The following PIGK variants were observed in gnomAD, a reference collection of about 807,000 sequenced individuals.
PIGK encodes the protein GPI-anchor transamidase.
PIGK carries 42 observed loss-of-function variants against 50.6 expected under a neutral mutation model. The ratio of observed to expected loss-of-function variants is 0.83; its 90% CI spans 0.65 to 1.07. PIGK has a LOEUF of 1.07. Among genes scored for constraint, PIGK ranks in the 50% least tolerant of loss-of-function variants. The pLI, the probability that PIGK is intolerant of heterozygous loss-of-function variation, is 0.00. For missense variants in PIGK, 448 were observed against 488.7 expected, an observed-to-expected ratio of 0.92 and a Z score of 0.78; for synonymous variants, 151 against 156.0, an observed-to-expected ratio of 0.97 and a Z score of 0.24.
At chr1:77,153,882 A>G (rs924726124) in intron 9 of PIGK, 3 of 152,344 alleles carry the variant, frequency 2.0e-5, no homozygotes, top group Non-Finnish European at 2.9e-5. Context: ...ATATTTCAAG[A>G]AAGTAGCTAT....
At chr1:77,210,756 C>A (rs1273339925) in intron 1 of PIGK, among the ~76,000 whole-genome samples, 1 of 151,996 alleles carries the variant, frequency 6.6e-6, no homozygotes, top group Non-Finnish European at 1.5e-5. Context: ...AACAGAGTAA[C>A]CTTGATTAAG....
chr1:77,188,156 C>G (rs1655794834), intron 3 of PIGK, among the ~76,000 whole-genome samples: 2 of 152,160 alleles, frequency 1.3e-5, no homozygotes, highest in Admixed American at 6.5e-5. Context: ...AGCAATTGTT[C>G]AGGGAATAAG....
At chr1:77,204,653 C>T (rs551302162) in intron 3 of PIGK, among the ~76,000 whole-genome samples, 38 of 152,198 alleles carry the variant, frequency 2.5e-4, no homozygotes, top group African/African-American at 8.9e-4. Flanking sequence ...CCCTTTTGTA[C>T]TCTTTCCCTT....
intron 2 of PIGK, among the ~76,000 whole-genome samples, chr1:77,207,734 C>T (rs776583450): frequency 1.3e-5 from 2 of 152,172 alleles, no homozygotes; most frequent in South Asian, 2.1e-4. Flanking sequence ...AGTACAATCC[C>T]GGCTTCTATC....
chr1:77,184,052 A>G (rs1379711106), intron 3 of PIGK, among the ~76,000 whole-genome samples: 1 of 152,186 alleles, frequency 6.6e-6, no homozygotes, highest in Non-Finnish European at 1.5e-5. Flanking sequence ...ATTTAAATAC[A>G]GTGGAAATAA....
In PIGK at chr1:77,191,037, T is replaced by G. The variant is rs375023840; in HGVS notation, c.239+15603A>C. Among the ~76,000 whole-genome samples the G allele has an allele frequency of 2.2e-4, 34 of 152,370 alleles. No individual in the cohort carries two copies. In the South Asian group the frequency reaches 5.2e-3, roughly 23 times the overall value. ...GACAAGTTCTCCATCTCTTTCTTCC[T>G]GTTTTCCATTGCTTAACTCCCCACT... On this transcript the variant is annotated intron_variant, in intron 3 of 10. Transcript: ENST00000370812.
rs1653295569 is a variant in PIGK at position 77,091,419 on chromosome 1, T to C, written c.*955A>G. ...TCACAGGTCCATCCACTTTATGGGATTTTTCTCAAGGAAAGTATAGATACA... is the reference window on the plus strand; with the variant it reads ...TCACAGGTCCATCCACTTTATGGGACTTTTCTCAAGGAAAGTATAGATACA... On this transcript the variant is annotated 3_prime_UTR_variant, in exon 11 of 11. Coordinates refer to ENST00000370812, the MANE Select transcript of PIGK (RefSeq NM_005482.3). 1 of 152,188 alleles carries C rather than the reference T, an allele frequency of 6.6e-6. No individual in the cohort carries two copies. Among genetic ancestry groups the C allele is most frequent in the Admixed American group, 6.5e-5 (1 of 15,274 alleles). 9.4% of individuals were successfully genotyped at this position (152,188 alleles called of 1,614,324 possible).
chr1:77,101,477 T>G (rs1015584814), intron 10 of PIGK, among the ~76,000 whole-genome samples: 4 of 152,230 alleles, frequency 2.6e-5, no homozygotes, highest in African/African-American at 4.8e-5. Context: ...GTGATACCTA[T>G]TTTTGAACCT....
At chr1:77,139,952 C>T (rs1249881932) in intron 9 of PIGK, among the ~76,000 whole-genome samples, 1 of 152,086 alleles carries the variant, frequency 6.6e-6, no homozygotes, top group Non-Finnish European at 1.5e-5. Context: ...TCTAATATTA[C>T]AGGGTGTTCT....
chr1:77,147,023 T>C (rs1654784842), intron 9 of PIGK, among the ~76,000 whole-genome samples: 1 of 150,658 alleles, frequency 6.6e-6, no homozygotes, highest in African/African-American at 2.4e-5. Context: ...GTTTTCACAC[T>C]GCTGACAAAG....
Position 77,092,326 on chromosome 1 carries a change from A to T in PIGK, c.*48T>A. On this transcript the variant is annotated 3_prime_UTR_variant, in exon 11 of 11. Transcript: ENST00000370812. The stretch of plus-strand genomic sequence containing the variant: ...TTAAAAATATATAATGACATAAATT[A>T]TTATCCAAGTTTGCAGTCCTCCATG... 1.3e-6 allele frequency: 1 copy of T among 775,188 alleles called. No individual in the cohort carries two copies. Among genetic ancestry groups the T allele is most frequent in the Non-Finnish European group, 2.1e-6 (1 of 465,542 alleles). 48.0% of individuals were successfully genotyped at this position (775,188 alleles called of 1,614,324 possible). A position where few individuals can be genotyped will look rare whatever the true frequency, so the allele number is the denominator to read the frequency against.
chr1:77,104,706 T>C (rs886108538), intron 10 of PIGK, among the ~76,000 whole-genome samples: 2 of 152,206 alleles, frequency 1.3e-5, no homozygotes, highest in Admixed American at 6.5e-5. Flanking sequence ...ACAGGCACCC[T>C]GTTTACTCAG....
At chr1:77,129,767 G>T in intron 9 of PIGK, 2 of 681,790 alleles carry the variant, frequency 2.9e-6, no homozygotes, top group Non-Finnish European at 4.3e-6. Context: ...TACAGAAAAA[G>T]TTGCCCAACC....
At chr1:77,186,803 G>A (rs1185006237) in intron 3 of PIGK, among the ~76,000 whole-genome samples, 4 of 152,134 alleles carry the variant, frequency 2.6e-5, no homozygotes, top group African/African-American at 9.7e-5. Context: ...CCACTGCTGA[G>A]TGCCCAATTT....
At chr1:77,165,614 A>G (rs1324972057) in intron 5 of PIGK, among the ~76,000 whole-genome samples, 2 of 152,074 alleles carry the variant, frequency 1.3e-5, no homozygotes, top group African/African-American at 4.8e-5. Flanking sequence ...AAAAAAAAAA[A>G]AAAGCAAGAA....
intron 9 of PIGK, among the ~76,000 whole-genome samples, chr1:77,131,759 G>A (rs1654375866): frequency 6.6e-6 from 1 of 151,686 alleles, no homozygotes. Flanking sequence ...ATTTCTATTT[G>A]GTCATGAAAT....
chr1:77,187,783 C>A (rs936562550), intron 3 of PIGK, among the ~76,000 whole-genome samples: 3 of 152,136 alleles, frequency 2.0e-5, no homozygotes, highest in Non-Finnish European at 4.4e-5. Context: ...TCACCTGTTG[C>A]GGGAAGTCAG....
Position 77,215,532 on chromosome 1 carries a change from A to T in PIGK, c.93+3778T>A, listed in dbSNP as rs186110145. Among the ~76,000 whole-genome samples the T allele has an allele frequency of 3.6e-3, 550 of 152,312 alleles. 6 individuals are homozygous for T. The highest frequency in any genetic ancestry group is 6.1e-3 in the Admixed American group (93 of 15,302). ...ATGGAAGCTCCTCAAAACACTCAAAATAAAACTACCATATGATCCAGCAAT... is the reference window on the plus strand; with the variant it reads ...ATGGAAGCTCCTCAAAACACTCAAATTAAAACTACCATATGATCCAGCAAT... On this transcript the variant is annotated intron_variant, in intron 1 of 10. Transcript: ENST00000370812.
intron 7 of PIGK, 53 bp from the exon 8 acceptor site, chr1:77,161,458 T>A (rs1655126029): frequency 1.7e-6 from 2 of 1,169,550 alleles, no homozygotes; most frequent in Admixed American, 1.7e-5. Context: ...TAACAAAATG[T>A]TTTAAATGTA....
Sources: gnomAD v4.1 joint callset for allele counts (sites outside exome capture counted in the v4.1 genomes callset) on GRCh38, gnomAD v4.1.1 for gene constraint, MANE v1.5 for transcripts, NCBI Gene and HGNC (gene_info 2026-07-23, HGNC 2026-07-21) for gene names.